AFG3L2: variants seen among roughly 807,000 people sequenced by gnomAD.
AFG3L2 encodes AFG3 like matrix AAA peptidase subunit 2, also known as mitochondrial inner membrane m-AAA protease component AFG3L2.
AFG3L2 carries 54 observed loss-of-function variants against 94.5 expected under a neutral mutation model. The observed-to-expected ratio is 0.57, with a 90% CI of 0.46 to 0.72. The LOEUF (loss-of-function observed/expected upper bound fraction) is 0.72. Among genes scored for constraint, AFG3L2 ranks in the 30% least tolerant of loss-of-function variants. The pLI is 0.00. For synonymous variants in AFG3L2, 377 were observed against 365.5 expected, an observed-to-expected ratio of 1.03 and a Z score of -0.36; for missense variants, 754 against 994.9, an observed-to-expected ratio of 0.76 and a Z score of 3.26.
At chr18:12,353,230 A>C in intron 9 of AFG3L2, 72 bp from the exon 10 acceptor site, 92 of 1,561,738 alleles carry the variant, frequency 5.9e-5, no homozygotes, top group East Asian at 1.2e-4. Context: ...AATGAAATAA[A>C]TCGGCCGGGC....
At chr18:12,349,953 T>C (rs1268999369) in intron 12 of AFG3L2, among the ~76,000 whole-genome samples, 1 of 150,624 alleles carries the variant, frequency 6.6e-6, no homozygotes, top group Non-Finnish European at 1.5e-5. Context: ...TGAGCCACCG[T>C]ACCTGGCCAA....
chr18:12,364,328 C>A (rs1908745824), intron 5 of AFG3L2, among the ~76,000 whole-genome samples: 1 of 152,186 alleles, frequency 6.6e-6, no homozygotes, highest in South Asian at 2.1e-4. Context: ...TAGCCTGTTA[C>A]ACATTTCTCA....
chr18:12,364,954 G>A (rs1908763404), intron 5 of AFG3L2, among the ~76,000 whole-genome samples: 1 of 152,162 alleles, frequency 6.6e-6, no homozygotes, highest in Non-Finnish European at 1.5e-5. Context: ...ACAGGTGTGA[G>A]CCACCACGGC....
intron 5 of AFG3L2, among the ~76,000 whole-genome samples, chr18:12,366,398 A>AGCCCAGCAGACAGTAACAAAGGCT (rs1908808601): frequency 1.3e-5 from 2 of 152,242 alleles, no homozygotes; most frequent in African/African-American, 4.8e-5. Flanking sequence ...CACATGGGCA[A>AGCCCAGCAGACAGTAACAAAGGCT]GCCCAGCAGA....
At position 12,348,285 on chromosome 18, in the gene AFG3L2, G is replaced by T. The variant is rs149121681; in HGVS notation, c.1651C>A (p.Arg551=). The T allele has an allele frequency of 1.2e-6, 2 of 1,612,858 alleles. No homozygotes were observed. Among genetic ancestry groups the T allele is most frequent in the South Asian group, 1.1e-5 (1 of 91,048 alleles). Residue 551 remains arginine (R), a synonymous_variant, in exon 13 of 17, where the codon CGA becomes AGA. Transcript: ENST00000269143. ...NQKHFEQAIE[R]VIGGLEKKTQ... is the part of the protein sequence containing the mutation. ...TCAGTTTCCTTACCACCAATCACTCGTTCAATTGCCTGTTCAAAGTGTTTC... is the reference window on the plus strand; with the variant it reads ...TCAGTTTCCTTACCACCAATCACTCTTTCAATTGCCTGTTCAAAGTGTTTC...
intron 5 of AFG3L2, among the ~76,000 whole-genome samples, chr18:12,364,861 G>A (rs1221308591): frequency 6.6e-6 from 1 of 151,602 alleles, no homozygotes; most frequent in Non-Finnish European, 1.5e-5. Context: ...GTAGAGATGG[G>A]GTCTCCCTAC....
At chr18:12,330,726 C>T (rs1403883463) in intron 16 of AFG3L2, among the ~76,000 whole-genome samples, 6 of 151,392 alleles carry the variant, frequency 4.0e-5, no homozygotes, top group African/African-American at 1.2e-4. Context: ...TGCAGTGAGC[C>T]GAGATCGCGC....
chr18:12,369,671 G>A (rs1283488740), intron 3 of AFG3L2, among the ~76,000 whole-genome samples: 12 of 149,014 alleles, frequency 8.1e-5, no homozygotes, highest in African/African-American at 3.0e-4. Flanking sequence ...CAGTGAGATC[G>A]TGCCACTGCA....
chr18:12,337,124 A>C (rs908825808), intron 16 of AFG3L2: 2 of 618,338 alleles, frequency 3.2e-6, no homozygotes, highest in African/African-American at 3.7e-5. Flanking sequence ...CACATTCCTA[A>C]GAGCCACAGG....
intron 13 of AFG3L2, among the ~76,000 whole-genome samples, chr18:12,347,551 A>AT (rs1403169502): frequency 2.2e-5 from 1 of 45,480 alleles, no homozygotes; most frequent in African/African-American, 5.3e-5. Context: ...ATTTATTATT[A>AT]TTATTTTTTT....
intron 16 of AFG3L2, 165 bp from the exon 17 acceptor site, chr18:12,329,948 T>C (rs866492146): frequency 2.3e-5 from 15 of 647,954 alleles, no homozygotes; most frequent in Middle Eastern, 4.2e-4. Context: ...ATGTGCAAAA[T>C]ATCAAAGCAA....
chr18:12,343,069 G>C (rs1390516063), intron 14 of AFG3L2: 1 of 151,672 alleles, frequency 6.6e-6, no homozygotes, highest in Non-Finnish European at 1.5e-5. Flanking sequence ...AGTTTTGGGA[G>C]AACTGATGTA....
At chr18:12,363,665 AGTTCT>A (rs1330126641) in intron 6 of AFG3L2, 112 bp downstream of exon 6, 2 of 807,432 alleles carry the variant, frequency 2.5e-6, no homozygotes, top group African/African-American at 3.4e-5. Flanking sequence ...CACACTGCCC[AGTTCT>A]GATATATCTG....
chr18:12,354,137 C>CG (rs1485558508), intron 9 of AFG3L2, among the ~76,000 whole-genome samples: 12 of 132,208 alleles, frequency 9.1e-5, no homozygotes, highest in African/African-American at 2.5e-4. Context: ...CTCCCACCCC[C>CG]CCCCCCCCAC....
At chr18:12,361,236 G>A (rs1018923806) in intron 6 of AFG3L2, among the ~76,000 whole-genome samples, 1 of 152,152 alleles carries the variant, frequency 6.6e-6, no homozygotes. Flanking sequence ...TAGGCATGGT[G>A]GCACCCACCT....
chr18:12,356,549 A>G, intron 9 of AFG3L2, 145 bp downstream of exon 9: 1 of 1,172,162 alleles, frequency 8.5e-7, no homozygotes, highest in Non-Finnish European at 1.3e-6. Context: ...CTGAAGTCTT[A>G]GGCCTGGAGG....
chr18:12,346,289 G>C (rs944464544), intron 13 of AFG3L2, among the ~76,000 whole-genome samples: 4 of 152,044 alleles, frequency 2.6e-5, no homozygotes, highest in African/African-American at 9.7e-5. Context: ...CTCCCAGGAG[G>C]GTGGCTCCAA....
At chr18:12,337,213 G>A (rs745791354) in intron 16 of AFG3L2, 128 bp downstream of exon 16, 16 of 841,932 alleles carry the variant, frequency 1.9e-5, no homozygotes, top group Admixed American at 9.1e-5. Context: ...ACATCAGAAC[G>A]AACGGACCCA....
At chr18:12,372,564 A>T (rs1290244040) in intron 1 of AFG3L2, among the ~76,000 whole-genome samples, 1 of 152,330 alleles carries the variant, frequency 6.6e-6, no homozygotes, top group East Asian at 1.9e-4. Context: ...CTGAAAACAC[A>T]TGTCCACGAA....
Sources: gnomAD v4.1 joint callset for allele counts (sites outside exome capture counted in the v4.1 genomes callset) on GRCh38, gnomAD v4.1.1 for gene constraint, MANE v1.5 for transcripts, NCBI Gene and HGNC (gene_info 2026-07-23, HGNC 2026-07-21) for gene names.